Variants in SLAMF6 observed in about 807,000 individuals in gnomAD.
SLAMF6 encodes NK-T-B-antigen.
Under a neutral mutation model 38.3 loss-of-function variants are expected in SLAMF6, and 21 were observed. That is an observed-to-expected ratio of 0.55 (90% CI 0.39 to 0.79). The LOEUF (loss-of-function observed/expected upper bound fraction) is 0.79, where lower values mean the gene tolerates loss of function less well. Ranked by LOEUF, SLAMF6 falls within the 30% of genes least tolerant of loss-of-function variation. The pLI is 0.00. For synonymous variants in SLAMF6, 152 were observed against 146.3 expected, an observed-to-expected ratio of 1.04 and a Z score of -0.28; for missense variants, 341 against 385.3, an observed-to-expected ratio of 0.89 and a Z score of 0.96.
chr1:160,486,620 A>C lies in SLAMF6; in HGVS notation c.*87T>G. ...TATTCAAATTCTGTTGCCAGGAACA[A>C]CAGGAACCAAGCTTCCTGTTCTTTG... is the stretch of plus-strand genomic sequence containing the variant. On this transcript the variant is annotated 3_prime_UTR_variant, in exon 8 of 8. Transcript: ENST00000368057. 3 of 1,393,334 alleles carry C rather than the reference A, an allele frequency of 2.2e-6. No homozygotes were observed. The East Asian group carries it at 6.9e-5, about 32-fold the overall frequency. The allele number at this position is 1,393,334 out of a possible 1,614,324, so 86.3% of individuals were successfully genotyped here.
At chr1:160,506,683 G>A (rs145322502) in intron 1 of SLAMF6, among the ~76,000 whole-genome samples, 1 of 152,070 alleles carries the variant, frequency 6.6e-6, no homozygotes, top group Non-Finnish European at 1.5e-5. Flanking sequence ...TGATTTAAAA[G>A]ACAAATGAGT....
intron 1 of SLAMF6, among the ~76,000 whole-genome samples, chr1:160,520,009 C>G (rs745512122): frequency 6.6e-6 from 1 of 152,062 alleles, no homozygotes; most frequent in African/African-American, 2.4e-5. Flanking sequence ...GGACCAAAAA[C>G]AGAGGCATGA....
At chr1:160,516,546 G>T (rs1216811153) in intron 1 of SLAMF6, among the ~76,000 whole-genome samples, 1 of 152,036 alleles carries the variant, frequency 6.6e-6, no homozygotes, top group Non-Finnish European at 1.5e-5. Context: ...ATATAGCCAA[G>T]ACAATCCTAA....
rs1652924142 is a variant in SLAMF6 at position 160,485,607 on chromosome 1, TG to T, written c.*1099del. ...CCAGACCATCCAGGGCCATGGAAAC[TG>T]GATTTCTTTCTGAGTGCATTGGGAA... On this transcript the variant is annotated 3_prime_UTR_variant, in exon 8 of 8. Coordinates refer to ENST00000368057, the MANE Select transcript of SLAMF6 (RefSeq NM_001184714.2). 1 of 152,278 alleles carries T rather than the reference TG, an allele frequency of 6.6e-6. No individual in the cohort carries two copies. The highest frequency in any genetic ancestry group is 2.4e-5 in the African/African-American group (1 of 41,448). 9.4% of individuals were successfully genotyped at this position (152,278 alleles called of 1,614,324 possible).
chr1:160,490,993 G>C (rs2102017869), intron 3 of SLAMF6, 132 bp downstream of exon 3: 2 of 1,154,472 alleles, frequency 1.7e-6, no homozygotes, highest in African/African-American at 1.5e-5. Flanking sequence ...CAGAGCTCCA[G>C]AGGGCATCTG....
At chr1:160,499,412 G>T (rs944802850) in intron 1 of SLAMF6, among the ~76,000 whole-genome samples, 16 of 152,162 alleles carry the variant, frequency 1.1e-4, no homozygotes, top group Admixed American at 8.5e-4. Flanking sequence ...TCTTCCAGTT[G>T]TCTATGTGTC....
chr1:160,491,080 A>G, intron 3 of SLAMF6, 45 bp downstream of exon 3: 1 of 1,606,230 alleles, frequency 6.2e-7, no homozygotes, highest in Non-Finnish European at 8.5e-7. Flanking sequence ...GACGCGTTAA[A>G]CCCCATAGCT....
Position 160,493,598 on chromosome 1 carries a change from G to A in SLAMF6, c.383-2210C>T, listed in dbSNP as rs772391142. ...AGGTGCCTATAACAGTGCCTTGGAC[G>A]TTATCCATGTCTAACAAATATTGTT... On this transcript the variant is annotated intron_variant, in intron 2 of 7. Coordinates refer to ENST00000368057, the MANE Select transcript of SLAMF6 (RefSeq NM_001184714.2). Among the ~76,000 whole-genome samples, 9 of 152,224 alleles carry A rather than the reference G, an allele frequency of 5.9e-5. 1 individual carries two copies. The highest frequency in any genetic ancestry group is 6.8e-3 in the Middle Eastern group (2 of 294).
Position 160,486,560 on chromosome 1 carries a change from G to T in SLAMF6, c.*147C>A. 2.7e-6 allele frequency: 2 copies of T among 738,642 alleles called. No individual in the cohort carries two copies. The highest frequency in any genetic ancestry group is 4.5e-6 in the Non-Finnish European group (2 of 445,344). The allele number at this position is 738,642 out of a possible 1,614,324, so 45.8% of individuals were successfully genotyped here. A position where few individuals can be genotyped will look rare whatever the true frequency, so the allele number is the denominator to read the frequency against. On this transcript the variant is annotated 3_prime_UTR_variant, in exon 8 of 8. Transcript: ENST00000368057. ...GTTTGACTCAGGTAGGCAGGTTTAA[G>T]TCCGAAGGACTGGAGGTGATCATCC...
In SLAMF6 at chr1:160,490,129, C is replaced by G. The variant is rs145449088; in HGVS notation, c.796+69G>C. ...CTGTCATTATCCAGCCCTCTGCCAT[C>G]CCCCTCTCTCTTCCATTTGGCTCTT... On this transcript the variant is annotated intron_variant, in intron 5 of 7. Coordinates refer to ENST00000368057, the MANE Select transcript of SLAMF6 (RefSeq NM_001184714.2). 169 of 1,538,840 alleles carry G rather than the reference C, an allele frequency of 1.1e-4. No individual in the cohort carries two copies. In the East Asian group the frequency reaches 3.7e-3, roughly 34 times the overall value.
Position 160,489,124 on chromosome 1 carries a change from G to T in SLAMF6, c.843C>A (p.Asn281Lys), listed in dbSNP as rs746277645. 1 of 1,613,948 alleles carries T rather than the reference G, an allele frequency of 6.2e-7. No individual in the cohort carries two copies. The highest frequency in any genetic ancestry group is 8.5e-7 in the Non-Finnish European group (1 of 1,179,852). ...GAGTGACTGAAGCATACACAGTGTT[G>T]TTCGTTGGAGACACTGAAACATACT... is the stretch of plus-strand genomic sequence containing the variant. ...NLEYVSVSPT[N>K]NTVYASVTHS... is the part of the protein sequence containing the mutation. Residue 281 changes from asparagine to lysine, a missense_variant, in exon 6 of 8, where the codon AAC (asparagine) becomes AAA (lysine). Transcript: ENST00000368057.
chr1:160,505,311 G>A (rs1368357300), intron 1 of SLAMF6, among the ~76,000 whole-genome samples: 2 of 152,150 alleles, frequency 1.3e-5, no homozygotes, highest in Non-Finnish European at 2.9e-5. Context: ...AGCATGTGAA[G>A]AACAAGAAAG....
intron 1 of SLAMF6, among the ~76,000 whole-genome samples, chr1:160,519,142 G>A (rs1174635135): frequency 1.3e-5 from 2 of 152,036 alleles, no homozygotes; most frequent in East Asian, 3.9e-4. Context: ...ACTAAAATGG[G>A]CAAAGGACTT....
At chr1:160,517,457 G>T (rs1421438966) in intron 1 of SLAMF6, among the ~76,000 whole-genome samples, 1 of 152,196 alleles carries the variant, frequency 6.6e-6, no homozygotes, top group Non-Finnish European at 1.5e-5. Context: ...AATCCTCAAA[G>T]ATCTAGAACC....
Position 160,486,635 on chromosome 1 carries a change from C to G in SLAMF6, c.*72G>C. On this transcript the variant is annotated 3_prime_UTR_variant, in exon 8 of 8. Coordinates refer to ENST00000368057, the MANE Select transcript of SLAMF6 (RefSeq NM_001184714.2). ...GCCAGGAACAACAGGAACCAAGCTT[C>G]CTGTTCTTTGTTCTGTCTCATGGGA... The G allele has an allele frequency of 6.8e-7, 1 of 1,468,752 alleles. No individual in the cohort carries two copies. Among genetic ancestry groups the G allele is most frequent in the South Asian group, 1.1e-5 (1 of 87,640 alleles). 91.0% of individuals were successfully genotyped at this position (1,468,752 alleles called of 1,614,324 possible).
chr1:160,515,634 G>A (rs528798744), intron 1 of SLAMF6, among the ~76,000 whole-genome samples: 2 of 152,028 alleles, frequency 1.3e-5, no homozygotes, highest in Admixed American at 1.3e-4. Context: ...AAATATAGCG[G>A]CACATCAAAA....
At chr1:160,509,777 A>G (rs1029861473) in intron 1 of SLAMF6, among the ~76,000 whole-genome samples, 1 of 152,178 alleles carries the variant, frequency 6.6e-6, no homozygotes, top group Non-Finnish European at 1.5e-5. Context: ...AACATAGAGA[A>G]TAGAAAAACA....
At chr1:160,501,043 C>T (rs1316474003) in intron 1 of SLAMF6, among the ~76,000 whole-genome samples, 2 of 152,158 alleles carry the variant, frequency 1.3e-5, no homozygotes, top group African/African-American at 2.4e-5. Context: ...AAAGGAGTGC[C>T]CCAAAACAGA....
chr1:160,492,667 A>G (rs1653366097), intron 2 of SLAMF6, among the ~76,000 whole-genome samples: 1 of 152,174 alleles, frequency 6.6e-6, no homozygotes, highest in Non-Finnish European at 1.5e-5. Flanking sequence ...GTGTGTAAGT[A>G]TATCTCAAAC....
Sources: allele counts gnomAD v4.1 joint callset (sites outside exome capture counted in the v4.1 genomes callset), GRCh38; gene constraint gnomAD v4.1.1; transcripts MANE v1.5; gene names NCBI Gene and HGNC (gene_info 2026-07-23, HGNC 2026-07-21).